The following TCF4 variants were observed in gnomAD, a reference collection of about 807,000 sequenced individuals.
TCF4 encodes transcription factor 4.
TCF4 carries 3 observed loss-of-function variants against 82.1 expected under a neutral mutation model. That is an observed-to-expected ratio of 0.04 (90% confidence interval 0.02 to 0.09). The LOEUF is 0.09. TCF4 is among the 10% of genes least tolerant of loss of function. The pLI, the probability that TCF4 is intolerant of heterozygous loss-of-function variation, is 1.00. For missense variants in TCF4, 518 were observed against 852.7 expected (o/e 0.61, Z 4.89); for synonymous variants, 276 against 309.6 (o/e 0.89, Z 1.14).
intron 8 of TCF4, among the ~76,000 whole-genome samples, chr18:55,315,905 A>T (rs532999792): frequency 6.6e-6 from 1 of 152,188 alleles, no homozygotes; most frequent in East Asian, 1.9e-4. Context: ...TCCTAAATAG[A>T]TTATAAATGT....
chr18:55,304,128 T>C (rs946973313), intron 8 of TCF4, among the ~76,000 whole-genome samples: 2 of 152,080 alleles, frequency 1.3e-5, no homozygotes, highest in East Asian at 3.9e-4. Context: ...GCAATAGATA[T>C]AAGTAAAGCT....
At chr18:55,248,513 C>G (rs2054007269) in intron 15 of TCF4, among the ~76,000 whole-genome samples, 1 of 152,192 alleles carries the variant, frequency 6.6e-6, no homozygotes, top group Non-Finnish European at 1.5e-5. Context: ...TGCCCACTAC[C>G]CTCTCTTTTT....
chr18:55,611,641 A>G (rs954842349), intron 2 of TCF4, among the ~76,000 whole-genome samples: 2 of 152,062 alleles, frequency 1.3e-5, no homozygotes, highest in Admixed American at 1.3e-4. Context: ...ATAATTTGAA[A>G]TCTTCTAGGA....
chr18:55,461,197 T>C (rs1429427972), intron 4 of TCF4, 82 bp from the exon 5 acceptor site: 1 of 1,171,750 alleles, frequency 8.5e-7, no homozygotes, highest in East Asian at 2.6e-5. Flanking sequence ...TACCAAAACT[T>C]CTCCCCTCCA....
chr18:55,581,477 A>C (rs1466316824), intron 3 of TCF4, among the ~76,000 whole-genome samples: 1 of 152,036 alleles, frequency 6.6e-6, no homozygotes, highest in Non-Finnish European at 1.5e-5. Flanking sequence ...CTTTACAAAA[A>C]GCCACAGAAC....
chr18:55,568,815 G>A (rs2097432880), intron 3 of TCF4, among the ~76,000 whole-genome samples: 1 of 152,126 alleles, frequency 6.6e-6, no homozygotes, highest in Non-Finnish European at 1.5e-5. Flanking sequence ...AATCTTACTT[G>A]TAAGCATAGA....
intron 1 of TCF4, among the ~76,000 whole-genome samples, chr18:55,587,516 G>A (rs2097662029): frequency 6.7e-6 from 1 of 150,322 alleles, no homozygotes; most frequent in Non-Finnish European, 1.5e-5. Context: ...GGATCACAGA[G>A]AAAAGAGAAA....
intron 6 of TCF4, among the ~76,000 whole-genome samples, chr18:55,355,243 G>A (rs931595577): frequency 6.6e-6 from 1 of 152,212 alleles, no homozygotes; most frequent in African/African-American, 2.4e-5. Flanking sequence ...AGACTTTGTG[G>A]CATTAAATGC....
At chr18:55,473,226 T>G (rs1022043674) in intron 3 of TCF4, among the ~76,000 whole-genome samples, 6 of 152,112 alleles carry the variant, frequency 3.9e-5, no homozygotes, top group Admixed American at 2.0e-4. Flanking sequence ...CTCCCGAGGG[T>G]GCCATTTGTG....
At chr18:55,309,624 A>G (rs1202622893) in intron 8 of TCF4, among the ~76,000 whole-genome samples, 3 of 152,228 alleles carry the variant, frequency 2.0e-5, no homozygotes, top group Non-Finnish European at 2.9e-5. Context: ...TATTGCTACA[A>G]TATTTTCTGT....
rs191963597 is a variant in TCF4, at chr18:55,401,406, C to T, written c.369+2048G>A. 8.6e-5 allele frequency: 93 copies of T among 1,076,844 alleles called. 1 individual carries two copies. In the East Asian group the frequency reaches 2.9e-3, roughly 33 times the overall value. 66.7% of individuals were successfully genotyped at this position (1,076,844 alleles called of 1,614,324 possible). On this transcript the variant is annotated intron_variant, in intron 6 of 19. Transcript: ENST00000354452. Reference sequence around the variant, plus strand: ...AGAATGAAGGAATCTCCACACTCCACGGCTACATTACGAAGGCTTTTTAAG... The same window carrying T: ...AGAATGAAGGAATCTCCACACTCCATGGCTACATTACGAAGGCTTTTTAAG...
intron 6 of TCF4, among the ~76,000 whole-genome samples, chr18:55,386,078 C>T (rs937000418): frequency 2.6e-5 from 4 of 152,178 alleles, no homozygotes; most frequent in Non-Finnish European, 5.9e-5. Flanking sequence ...CCAACATCAA[C>T]ACCTACACCA....
intron 3 of TCF4, among the ~76,000 whole-genome samples, chr18:55,517,397 G>A (rs1047641403): frequency 2.6e-5 from 4 of 151,984 alleles, no homozygotes; most frequent in Admixed American, 6.6e-5. Context: ...CTGTCCACCC[G>A]CCATCAGACT....
intron 3 of TCF4, among the ~76,000 whole-genome samples, chr18:55,568,179 A>G (rs200920268): frequency 6.6e-6 from 1 of 150,954 alleles, no homozygotes; most frequent in African/African-American, 2.4e-5. Flanking sequence ...AAAAAAAAAA[A>G]CAGAATAATA....
intron 12 of TCF4, among the ~76,000 whole-genome samples, chr18:55,260,795 A>C (rs1449547907): frequency 6.6e-6 from 1 of 152,094 alleles, no homozygotes; most frequent in East Asian, 1.9e-4. Flanking sequence ...CCTGACCTCA[A>C]GTGATCCTCC....
At chr18:55,508,811 C>T (rs958474059) in intron 3 of TCF4, among the ~76,000 whole-genome samples, 2 of 152,120 alleles carry the variant, frequency 1.3e-5, no homozygotes, top group Non-Finnish European at 2.9e-5. Context: ...ATAACAAAAC[C>T]GCAATACACG....
intron 5 of TCF4, among the ~76,000 whole-genome samples, chr18:55,456,139 T>G (rs2095748533): frequency 6.6e-6 from 1 of 152,212 alleles, no homozygotes; most frequent in South Asian, 2.1e-4. Context: ...TGGAACCGAA[T>G]TATAATGAGC....
At chr18:55,237,629 C>T (rs1412746220) in intron 15 of TCF4, among the ~76,000 whole-genome samples, 3 of 151,310 alleles carry the variant, frequency 2.0e-5, no homozygotes, top group African/African-American at 4.9e-5. Flanking sequence ...ACCACCACGC[C>T]GGCTAATTTG....
intron 5 of TCF4, among the ~76,000 whole-genome samples, chr18:55,431,324 G>C (rs2095184782): frequency 6.6e-6 from 1 of 152,178 alleles, no homozygotes. Context: ...TTGTTGTCCA[G>C]GCTAGAGTGC....
Sources: allele counts gnomAD v4.1 joint callset (sites outside exome capture counted in the v4.1 genomes callset), GRCh38; gene constraint gnomAD v4.1.1; transcripts MANE v1.5; gene names NCBI Gene and HGNC (gene_info 2026-07-23, HGNC 2026-07-21).